ABAT: variants seen among roughly 807,000 people sequenced by gnomAD.
The protein encoded by ABAT is 4-aminobutyrate aminotransferase, mitochondrial.
In ABAT, 45 loss-of-function variants were observed where a neutral mutation model predicts 64.6. That is an observed-to-expected ratio of 0.70 (90% CI 0.55 to 0.89). ABAT has a LOEUF of 0.89. ABAT is among the 40% of genes least tolerant of loss of function. The pLI, the probability that ABAT is intolerant of heterozygous loss-of-function variation, is 0.00. For missense variants in ABAT, 633 were observed against 658.4 expected (o/e 0.96, Z 0.42); for synonymous variants, 297 against 250.5 (o/e 1.19, Z -1.75).
chr16:8,737,914 T>A (rs28495577), intron 2 of ABAT, among the ~76,000 whole-genome samples: 2 of 95,206 alleles, frequency 2.1e-5, no homozygotes, highest in Non-Finnish European at 4.0e-5. Context: ...GGCAACAGAC[T>A]GAGATTAAAA....
intron 1 of ABAT, among the ~76,000 whole-genome samples, chr16:8,707,349 G>A (rs1017853226): frequency 1.3e-5 from 1 of 79,706 alleles, no homozygotes; most frequent in African/African-American, 4.7e-5. Context: ...ACCATGCCAG[G>A]GTAATTTTTT....
At chr16:8,682,640 C>T (rs1406088189) in intron 1 of ABAT, among the ~76,000 whole-genome samples, 1 of 152,202 alleles carries the variant, frequency 6.6e-6, no homozygotes, top group Non-Finnish European at 1.5e-5. Context: ...TCCAGAGGTC[C>T]CGTAATCTTC....
In ABAT at chr16:8,781,542, AGG is replaced by A; in HGVS notation, c.*114_*115del. On this transcript the variant is annotated 3_prime_UTR_variant, in exon 16 of 16. Coordinates refer to ENST00000268251, the MANE Select transcript of ABAT (RefSeq NM_020686.6). This position sits in a 1 kb window ranked among gnomAD's most constrained non-coding sequence, Gnocchi z 4.5. ...AGTATCAGAGGTGAATGCACAGTGA[AGG>A]GTGATTTGTGGGGAGGGAGCATTTT... The A allele has an allele frequency of 8.9e-7, 1 of 1,128,208 alleles. No individual in the cohort carries two copies. Among genetic ancestry groups the A allele is most frequent in the Admixed American group, 2.0e-5 (1 of 50,482 alleles). 69.9% of individuals were successfully genotyped at this position (1,128,208 alleles called of 1,614,324 possible). A position where few individuals can be genotyped will look rare whatever the true frequency, so the allele number is the denominator to read the frequency against.
chr16:8,730,841 C>A (rs2058698053), intron 1 of ABAT, among the ~76,000 whole-genome samples: 2 of 152,252 alleles, frequency 1.3e-5, no homozygotes, highest in Non-Finnish European at 2.9e-5. Flanking sequence ...AACCCCAACG[C>A]TGGCTCCACC....
intron 11 of ABAT, among the ~76,000 whole-genome samples, chr16:8,771,268 C>G (rs1027397534): frequency 2.0e-5 from 3 of 150,084 alleles, no homozygotes; most frequent in African/African-American, 7.4e-5. Flanking sequence ...GCACTCCAGC[C>G]TGGGCAACAA....
At chr16:8,682,660 A>G (rs2057363025) in intron 1 of ABAT, among the ~76,000 whole-genome samples, 2 of 152,288 alleles carry the variant, frequency 1.3e-5, no homozygotes. Context: ...CACTGCCAGC[A>G]TCTCCCATTT....
Position 8,782,761 on chromosome 16 carries a change from G to A in ABAT, c.*1331G>A, listed in dbSNP as rs1435369199. 3 of 152,252 alleles carry A rather than the reference G, an allele frequency of 2.0e-5. No individual in the cohort carries two copies. The highest frequency in any genetic ancestry group is 7.2e-5 in the African/African-American group (3 of 41,450). The allele number at this position is 152,252 out of a possible 1,614,324, so 9.4% of individuals were successfully genotyped here. A position where few individuals can be genotyped will look rare whatever the true frequency, so the allele number is the denominator to read the frequency against. On this transcript the variant is annotated 3_prime_UTR_variant, in exon 16 of 16. Transcript: ENST00000268251. The stretch of plus-strand genomic sequence containing the variant: ...GAGAACTTGATAGCCTGACAGCAGA[G>A]AAGTATTATTTGGTGGGGAGTCTGA...
chr16:8,704,964 G>A (rs1419174723), intron 1 of ABAT, among the ~76,000 whole-genome samples: 1 of 152,150 alleles, frequency 6.6e-6, no homozygotes, highest in East Asian at 1.9e-4. Flanking sequence ...GGGATTATAG[G>A]CATGAGACAC....
chr16:8,685,467 C>T (rs528342712), intron 1 of ABAT, among the ~76,000 whole-genome samples: 41 of 151,806 alleles, frequency 2.7e-4, no homozygotes, highest in African/African-American at 8.5e-4. Flanking sequence ...CTCAGGAGTT[C>T]GCGACCAACT....
intron 6 of ABAT, among the ~76,000 whole-genome samples, chr16:8,762,973 G>C (rs1441404301): frequency 6.6e-6 from 1 of 152,000 alleles, no homozygotes; most frequent in African/African-American, 2.4e-5. Flanking sequence ...GCTGGGTGCG[G>C]TGGCATGTGC....
intron 5 of ABAT, among the ~76,000 whole-genome samples, chr16:8,754,674 C>CTTTCT (rs2059596495): frequency 4.2e-4 from 1 of 2,368 alleles, no homozygotes; most frequent in African/African-American, 5.9e-4. Flanking sequence ...TTATTTATTT[C>CTTTCT]TTTCTTTCTT....
At chr16:8,760,650 ATGT>A (rs963038264) in intron 6 of ABAT, among the ~76,000 whole-genome samples, 6 of 152,254 alleles carry the variant, frequency 3.9e-5, no homozygotes, top group South Asian at 4.1e-4. Flanking sequence ...TTGTTTTGAA[ATGT>A]TGTGCGAATC....
In ABAT at chr16:8,764,020, G is replaced by C. The variant is rs561363172; in HGVS notation, c.367-49G>C. 6.7e-7 allele frequency: 1 copy of C among 1,485,458 alleles called. No individual in the cohort carries two copies. The highest frequency in any genetic ancestry group is 2.3e-5 in the East Asian group (1 of 44,316). 92.0% of individuals were successfully genotyped at this position (1,485,458 alleles called of 1,614,324 possible). On this transcript the variant is annotated intron_variant, in intron 6 of 15. Coordinates refer to ENST00000268251, the MANE Select transcript of ABAT (RefSeq NM_020686.6). The surrounding 1 kb of genome is among the most constrained non-coding windows in gnomAD (Gnocchi z 4.2). ...GAAAAGCACCATTTGTGGGCAGGGA[G>C]CTGGGTCAGGCCCCCAGAAGTCACC...
intron 6 of ABAT, among the ~76,000 whole-genome samples, chr16:8,760,593 C>T (rs1042860701): frequency 6.6e-6 from 1 of 152,240 alleles, no homozygotes; most frequent in Non-Finnish European, 1.5e-5. Context: ...TGATGAGGCC[C>T]ACTGAGGCCG....
intron 11 of ABAT, 105 bp downstream of exon 11, chr16:8,769,078 C>T: frequency 6.7e-7 from 1 of 1,491,760 alleles, no homozygotes; most frequent in Non-Finnish European, 9.3e-7. Context: ...ATCTGGGGAT[C>T]TGTGCAGTGC....
intron 1 of ABAT, among the ~76,000 whole-genome samples, chr16:8,688,935 C>T (rs1365755268): frequency 6.6e-6 from 1 of 152,130 alleles, no homozygotes; most frequent in Admixed American, 6.5e-5. Context: ...AAAAAATTAG[C>T]CGGGCGTGGT....
chr16:8,744,077 C>G (rs2059261045), intron 2 of ABAT, among the ~76,000 whole-genome samples: 1 of 152,104 alleles, frequency 6.6e-6, no homozygotes, highest in Non-Finnish European at 1.5e-5. Flanking sequence ...TCTGTAAACT[C>G]ATTACACATT....
At chr16:8,715,407 C>G (rs1242284502) in intron 1 of ABAT, 1 of 151,950 alleles carries the variant, frequency 6.6e-6, no homozygotes, top group African/African-American at 2.4e-5. Flanking sequence ...CACTTGAAGT[C>G]AAGAGTTAGA....
At chr16:8,768,439 A>G (rs8057362) in intron 10 of ABAT, among the ~76,000 whole-genome samples, 183 bp downstream of exon 10, 86,462 of 152,038 alleles carry the variant, frequency 0.57, 25,085 homozygotes, top group Admixed American at 0.65. Context: ...AGGAAGAGGA[A>G]GAATTTCCAA....
Sources: gnomAD v4.1 joint callset for allele counts (sites outside exome capture counted in the v4.1 genomes callset) on GRCh38, gnomAD v4.1.1 for gene constraint, Gnocchi (gnomAD v3.1) non-coding constraint, MANE v1.5 for transcripts, NCBI Gene and HGNC (gene_info 2026-07-23, HGNC 2026-07-21) for gene names.